The following RAB4A variants were observed in gnomAD, a reference collection of about 807,000 sequenced individuals.
RAB4A encodes RAB4A, member RAS oncogene family, also known as ras-related protein Rab-4A.
A neutral mutation model predicts 34.5 loss-of-function variants in RAB4A; 20 were observed. The observed-to-expected ratio is 0.58, with a 90% CI of 0.41 to 0.84. The LOEUF is 0.84. Among genes scored for constraint, RAB4A ranks in the 40% least tolerant of loss-of-function variants. The pLI is 0.00. For synonymous variants in RAB4A, 102 were observed against 100.0 expected (o/e 1.02, Z -0.12); for missense variants, 228 against 274.5 (o/e 0.83, Z 1.20).
intron 1 of RAB4A, among the ~76,000 whole-genome samples, chr1:229,277,443 TC>T: frequency 6.6e-6 from 1 of 151,184 alleles, no homozygotes; most frequent in Middle Eastern, 3.4e-3. Context: ...CTTCCACCTC[TC>T]CTAACCAGCA....
chr1:229,279,963 C>G lies in RAB4A; in HGVS notation c.32-6523C>G, dbSNP rs237751. Among the ~76,000 whole-genome samples, 1,387 of 152,254 alleles carry G rather than the reference C, an allele frequency of 9.1e-3. 24 individuals carry two copies. Among genetic ancestry groups the G allele is most frequent in the African/African-American group, 0.031 (1,287 of 41,554 alleles). Reference sequence around the variant, plus strand: ...AACCAGTTGACACTTAGTTATATAACCTACATAGGCATTTTGCCTTCATTA... The same window carrying G: ...AACCAGTTGACACTTAGTTATATAAGCTACATAGGCATTTTGCCTTCATTA... On this transcript the variant is annotated intron_variant, in intron 1 of 7. Transcript: ENST00000366690.
intron 3 of RAB4A, among the ~76,000 whole-genome samples, chr1:229,294,870 A>G (rs1657195571): frequency 6.6e-6 from 1 of 152,192 alleles, no homozygotes; most frequent in African/African-American, 2.4e-5. Flanking sequence ...ACAGTGGGAC[A>G]GTAACTGAAA....
intron 1 of RAB4A, among the ~76,000 whole-genome samples, chr1:229,277,803 T>A (rs1440380175): frequency 1.3e-5 from 2 of 151,364 alleles, no homozygotes; most frequent in Admixed American, 1.3e-4. Flanking sequence ...TATCCCATTC[T>A]GACCACTCCA....
At chr1:229,302,553 TATAA>T (rs1455028590) in intron 6 of RAB4A, among the ~76,000 whole-genome samples, 3 of 151,174 alleles carry the variant, frequency 2.0e-5, no homozygotes, top group Non-Finnish European at 4.4e-5. Flanking sequence ...AATTATTTTA[TATAA>T]ATAATGTATT....
At chr1:229,292,298 T>C (rs531855799) in intron 3 of RAB4A, among the ~76,000 whole-genome samples, 1 of 152,264 alleles carries the variant, frequency 6.6e-6, no homozygotes, top group African/African-American at 2.4e-5. Flanking sequence ...ATTTGTATAC[T>C]GGAGTAATTT....
chr1:229,302,292 TATATATATA>T (rs1558242368), intron 6 of RAB4A, among the ~76,000 whole-genome samples: 24 of 24,982 alleles, frequency 9.6e-4, no homozygotes, highest in African/African-American at 4.8e-3. Context: ...TATATATATA[TATATATATA>T]TATATATATT....
chr1:229,283,828 G>A (rs1440397967), intron 1 of RAB4A, among the ~76,000 whole-genome samples: 1 of 151,118 alleles, frequency 6.6e-6, no homozygotes, highest in Non-Finnish European at 1.5e-5. Context: ...CCAGGTTCAA[G>A]CAATTCTCCT....
chr1:229,295,990 T>A, intron 4 of RAB4A, 80 bp downstream of exon 4: 1 of 1,429,180 alleles, frequency 7.0e-7, no homozygotes, highest in Non-Finnish European at 9.8e-7. Context: ...GTGCCCTCCG[T>A]GCAGTGTGTG....
chr1:229,295,178 C>T (rs1042235397), intron 3 of RAB4A, among the ~76,000 whole-genome samples: 5 of 152,040 alleles, frequency 3.3e-5, no homozygotes, highest in African/African-American at 1.2e-4. Context: ...TCTCAAACTC[C>T]TGGCCTCAAG....
At chr1:229,295,053 G>A (rs918754704) in intron 3 of RAB4A, among the ~76,000 whole-genome samples, 14 of 150,566 alleles carry the variant, frequency 9.3e-5, no homozygotes, top group Non-Finnish European at 1.2e-4. Context: ...TCAAATTCCT[G>A]GGATCAAACA....
intron 3 of RAB4A, 129 bp downstream of exon 3, chr1:229,288,972 C>T (rs1656994139): frequency 1.5e-6 from 1 of 648,566 alleles, no homozygotes; most frequent in Non-Finnish European, 2.7e-6. Flanking sequence ...TCAGAAACTT[C>T]ATTTTTGGAA....
At chr1:229,299,628 G>A (rs1037161463) in intron 6 of RAB4A, among the ~76,000 whole-genome samples, 3 of 152,154 alleles carry the variant, frequency 2.0e-5, no homozygotes, top group East Asian at 3.9e-4. Context: ...GGCAGCTGAC[G>A]AAATACTGTG....
chr1:229,296,702 G>A (rs1438040418), intron 4 of RAB4A, among the ~76,000 whole-genome samples: 3 of 152,238 alleles, frequency 2.0e-5, no homozygotes, highest in East Asian at 1.9e-4. Context: ...GTGAGAGGAT[G>A]TCACTCAGCA....
chr1:229,300,274 G>A (rs1383945570), intron 6 of RAB4A, among the ~76,000 whole-genome samples: 1 of 152,232 alleles, frequency 6.6e-6, no homozygotes, highest in Non-Finnish European at 1.5e-5. Flanking sequence ...GGTGGGTGAT[G>A]TGATTGGGTT....
chr1:229,285,930 C>A (rs964146091), intron 1 of RAB4A, among the ~76,000 whole-genome samples: 33 of 152,194 alleles, frequency 2.2e-4, no homozygotes, highest in Non-Finnish European at 2.6e-4. Context: ...TTGAATCAGA[C>A]AAATTTCGCA....
At chr1:229,274,703 T>C (rs1388280841) in intron 1 of RAB4A, among the ~76,000 whole-genome samples, 5 of 152,238 alleles carry the variant, frequency 3.3e-5, no homozygotes, top group African/African-American at 4.8e-5. Context: ...TGGCTGAAAG[T>C]AATTTTGATG....
chr1:229,293,419 T>C (rs1353144271), intron 3 of RAB4A, among the ~76,000 whole-genome samples: 2 of 152,248 alleles, frequency 1.3e-5, no homozygotes, highest in African/African-American at 4.8e-5. Flanking sequence ...CAAGGCTCTC[T>C]AGCCTGCTAC....
intron 3 of RAB4A, among the ~76,000 whole-genome samples, chr1:229,293,863 G>A (rs1001103613): frequency 2.6e-5 from 4 of 152,298 alleles, no homozygotes; most frequent in Middle Eastern, 3.4e-3. Flanking sequence ...AGTGGCAGGG[G>A]CTGGGAGCAG....
intron 1 of RAB4A, among the ~76,000 whole-genome samples, chr1:229,276,882 C>A (rs1656664698): frequency 6.6e-6 from 1 of 150,706 alleles, no homozygotes; most frequent in Non-Finnish European, 1.5e-5. Flanking sequence ...GCACCACTGT[C>A]CCTAGGCAGC....
Sources: allele counts gnomAD v4.1 joint callset (sites outside exome capture counted in the v4.1 genomes callset), GRCh38; gene constraint gnomAD v4.1.1; transcripts MANE v1.5; gene names NCBI Gene and HGNC (gene_info 2026-07-23, HGNC 2026-07-21).